The following ENPP6 variants were observed in gnomAD, a reference collection of about 807,000 sequenced individuals.
ENPP6 encodes ectonucleotide pyrophosphatase/phosphodiesterase 6.
In ENPP6, 32 loss-of-function variants were observed where a neutral mutation model predicts 42.0. The observed-to-expected ratio is 0.76, with a 90% CI of 0.58 to 1.02. ENPP6 has a LOEUF of 1.02. Among genes scored for constraint, ENPP6 ranks in the 50% least tolerant of loss-of-function variants. The pLI is 0.00. For synonymous variants in ENPP6, 213 were observed against 216.0 expected (o/e 0.99, Z 0.12); for missense variants, 552 against 566.8 (o/e 0.97, Z 0.27).
intron 1 of ENPP6, among the ~76,000 whole-genome samples, chr4:184,187,245 C>A (rs1257119268): frequency 2.6e-5 from 4 of 152,210 alleles, no homozygotes; most frequent in Non-Finnish European, 5.9e-5. Flanking sequence ...AGGAAAAGGC[C>A]TGCACCAGGA....
At chr4:184,098,676 A>G (rs1735950886) in intron 6 of ENPP6, among the ~76,000 whole-genome samples, 1 of 152,024 alleles carries the variant, frequency 6.6e-6, no homozygotes, top group Non-Finnish European at 1.5e-5. Flanking sequence ...TTGGAACCCA[A>G]TTTTCTTAGA....
At chr4:184,122,869 C>G (rs964951455) in intron 3 of ENPP6, among the ~76,000 whole-genome samples, 1 of 152,200 alleles carries the variant, frequency 6.6e-6, no homozygotes, top group African/African-American at 2.4e-5. Flanking sequence ...AGACATGGAG[C>G]AATGTCCAAG....
intron 2 of ENPP6, among the ~76,000 whole-genome samples, chr4:184,131,827 A>G (rs1415421997): frequency 1.6e-5 from 2 of 127,908 alleles, no homozygotes; most frequent in Admixed American, 7.3e-5. Flanking sequence ...ACACACACAT[A>G]TATATATATA....
chr4:184,214,427 T>C (rs1381691274), intron 1 of ENPP6, among the ~76,000 whole-genome samples: 1 of 152,208 alleles, frequency 6.6e-6, no homozygotes, highest in Admixed American at 6.5e-5. Flanking sequence ...TGCTCACAAA[T>C]AGGCCTGTTG....
intron 1 of ENPP6, among the ~76,000 whole-genome samples, chr4:184,188,581 C>G (rs761360584): frequency 3.3e-5 from 5 of 152,158 alleles, no homozygotes; most frequent in Non-Finnish European, 5.9e-5. Context: ...AGACCACACA[C>G]AGGCATCTCA....
At chr4:184,213,667 T>A (rs1190350335) in intron 1 of ENPP6, among the ~76,000 whole-genome samples, 16 of 149,662 alleles carry the variant, frequency 1.1e-4, no homozygotes, top group African/African-American at 3.4e-4. Context: ...TCAACCATTG[T>A]GGAAGTCAGT....
At chr4:184,112,082 C>G (rs534485216) in intron 6 of ENPP6, among the ~76,000 whole-genome samples, 1 of 152,166 alleles carries the variant, frequency 6.6e-6, no homozygotes, top group African/African-American at 2.4e-5. Flanking sequence ...ACTGCAGACT[C>G]CCCTAAAGGG....
chr4:184,180,092 T>C (rs1452340604), intron 1 of ENPP6, among the ~76,000 whole-genome samples: 4 of 48,202 alleles, frequency 8.3e-5, no homozygotes, highest in Admixed American at 6.4e-4. Context: ...AGCTGTTTTT[T>C]TGACAAAATT....
At chr4:184,125,416 G>A (rs1216228215) in intron 2 of ENPP6, among the ~76,000 whole-genome samples, 2 of 152,184 alleles carry the variant, frequency 1.3e-5, no homozygotes, top group African/African-American at 4.8e-5. Context: ...ATGGTGCCAG[G>A]AGACCAGATG....
intron 1 of ENPP6, among the ~76,000 whole-genome samples, chr4:184,155,790 A>G (rs930090937): frequency 2.6e-5 from 4 of 152,240 alleles, no homozygotes; most frequent in South Asian, 2.1e-4. Context: ...TTTAAAGTAC[A>G]TATAATCTAT....
intron 2 of ENPP6, among the ~76,000 whole-genome samples, chr4:184,131,183 T>TCTGTCTGTCTG (rs1560987202): frequency 6.2e-5 from 4 of 64,868 alleles, no homozygotes; most frequent in African/African-American, 2.0e-4. Flanking sequence ...CTTTCTTTCT[T>TCTGTCTGTCTG]TCTTTCTTTC....
intron 6 of ENPP6, among the ~76,000 whole-genome samples, chr4:184,111,212 G>A (rs1356448546): frequency 6.6e-6 from 1 of 152,192 alleles, no homozygotes; most frequent in Non-Finnish European, 1.5e-5. Flanking sequence ...AAAGACGACA[G>A]AGTAATGACG....
intron 1 of ENPP6, among the ~76,000 whole-genome samples, chr4:184,171,787 A>AC (rs1553998497): frequency 2.7e-5 from 4 of 147,634 alleles, no homozygotes; most frequent in Non-Finnish European, 4.4e-5. Flanking sequence ...AAACACATTG[A>AC]TTTTTTTTTT....
At chr4:184,099,587 T>C (rs553761494) in intron 6 of ENPP6, among the ~76,000 whole-genome samples, 68 of 152,346 alleles carry the variant, frequency 4.5e-4, no homozygotes, top group Admixed American at 3.8e-3. Flanking sequence ...TGAGCCTGCT[T>C]GTGCTTATTT....
intron 1 of ENPP6, among the ~76,000 whole-genome samples, chr4:184,157,407 C>CTT (rs1737177318): frequency 1.9e-5 from 2 of 107,228 alleles, no homozygotes; most frequent in African/African-American, 3.8e-5. Flanking sequence ...TTCGTTCTTT[C>CTT]TCTTTCTTTC....
At chr4:184,192,593 A>G (rs1732725821) in intron 1 of ENPP6, among the ~76,000 whole-genome samples, 1 of 152,220 alleles carries the variant, frequency 6.6e-6, no homozygotes, top group South Asian at 2.1e-4. Context: ...AAAAGTTGAT[A>G]AATAGGACTT....
intron 5 of ENPP6, among the ~76,000 whole-genome samples, chr4:184,113,465 C>T (rs557283838): frequency 6.6e-6 from 1 of 152,122 alleles, no homozygotes; most frequent in African/African-American, 2.4e-5. Context: ...ACGGTAATGT[C>T]CTATTTCTCA....
In ENPP6 at chr4:184,212,872, T is replaced by C. The variant is rs1432687532; in HGVS notation, c.241+4707A>G. 1.3e-5 allele frequency among the ~76,000 whole-genome samples: 2 copies of C among 152,116 alleles called. 1 individual carries two copies. Among genetic ancestry groups the C allele is most frequent in the Non-Finnish European group, 2.9e-5 (2 of 68,046 alleles). ...GGCTACAGTAACCAAAACAGCATGG[T>C]ACTGGTACCAAAACAGAGATATCGA... On this transcript the variant is annotated intron_variant, in intron 1 of 7. Coordinates refer to ENST00000296741, the MANE Select transcript of ENPP6 (RefSeq NM_153343.4).
intron 1 of ENPP6, among the ~76,000 whole-genome samples, chr4:184,204,932 T>C (rs958036059): frequency 5.3e-5 from 8 of 152,170 alleles, no homozygotes; most frequent in South Asian, 2.1e-4. Context: ...TTTTTCGCTA[T>C]AGTAATTTTT....
Sources: allele counts gnomAD v4.1 joint callset (sites outside exome capture counted in the v4.1 genomes callset), GRCh38; gene constraint gnomAD v4.1.1; transcripts MANE v1.5; gene names NCBI Gene and HGNC (gene_info 2026-07-23, HGNC 2026-07-21).